SYT1: variants seen among roughly 807,000 people sequenced by gnomAD.
SYT1 encodes the protein synaptotagmin 1.
In SYT1, 8 loss-of-function variants were observed where a neutral mutation model predicts 44.8. That is an observed-to-expected ratio of 0.18 (90% CI 0.10 to 0.32). The LOEUF is 0.32. Ranked by LOEUF, SYT1 falls within the 10% of genes least tolerant of loss-of-function variation. The pLI, the probability that SYT1 is intolerant of heterozygous loss-of-function variation, is 1.00. For missense variants in SYT1, 286 were observed against 509.3 expected (o/e 0.56, Z 4.22); for synonymous variants, 154 against 188.8 (o/e 0.82, Z 1.51).
At chr12:79,117,840 T>C (rs1879387227) in intron 3 of SYT1, among the ~76,000 whole-genome samples, 1 of 151,282 alleles carries the variant, frequency 6.6e-6, no homozygotes, top group East Asian at 2.0e-4. Context: ...ATAAATACTT[T>C]TGTATGAAAT....
intron 3 of SYT1, among the ~76,000 whole-genome samples, chr12:79,111,538 G>C (rs1879011052): frequency 6.6e-6 from 1 of 151,784 alleles, no homozygotes. Context: ...CTATCACGAT[G>C]CCTCCCACAG....
intron 3 of SYT1, among the ~76,000 whole-genome samples, chr12:79,078,513 A>G (rs1876810863): frequency 6.6e-6 from 1 of 152,076 alleles, no homozygotes; most frequent in Non-Finnish European, 1.5e-5. Context: ...TTTTTTTCTA[A>G]TACTAACAAC....
At chr12:79,127,509 G>C (rs1868515502) in intron 3 of SYT1, among the ~76,000 whole-genome samples, 1 of 152,218 alleles carries the variant, frequency 6.6e-6, no homozygotes, top group East Asian at 1.9e-4. Context: ...TGTTTCTAAA[G>C]CTCAGATTCC....
At chr12:79,351,154 C>T (rs961391084) in intron 8 of SYT1, among the ~76,000 whole-genome samples, 42 of 152,130 alleles carry the variant, frequency 2.8e-4, no homozygotes, top group Non-Finnish European at 2.9e-4. Context: ...TTCTCTTAAA[C>T]ACTCATTCTT....
intron 2 of SYT1, among the ~76,000 whole-genome samples, chr12:79,034,881 G>C (rs936933448): frequency 6.6e-6 from 1 of 151,540 alleles, no homozygotes; most frequent in African/African-American, 2.4e-5. Context: ...TTAAAGACAG[G>C]GATAAAAAAT....
At chr12:79,261,620 A>G (rs1877834860) in intron 4 of SYT1, among the ~76,000 whole-genome samples, 2 of 152,208 alleles carry the variant, frequency 1.3e-5, no homozygotes, top group African/African-American at 2.4e-5. Flanking sequence ...TTTAGGTTAA[A>G]AAAATTAAAT....
intron 4 of SYT1, among the ~76,000 whole-genome samples, chr12:79,280,389 A>G (rs910549810): frequency 2.6e-5 from 4 of 152,312 alleles, no homozygotes; most frequent in African/African-American, 9.6e-5. Flanking sequence ...CGATGAGAAC[A>G]TACACTGGGG....
chr12:79,090,181 A>T (rs1402633996), intron 3 of SYT1, among the ~76,000 whole-genome samples: 1 of 152,064 alleles, frequency 6.6e-6, no homozygotes, highest in Non-Finnish European at 1.5e-5. Context: ...ACTTGAAAAC[A>T]CAATTTATTT....
At chr12:78,902,292 A>T (rs1875711715) in intron 1 of SYT1, among the ~76,000 whole-genome samples, 1 of 152,022 alleles carries the variant, frequency 6.6e-6, no homozygotes, top group Non-Finnish European at 1.5e-5. Context: ...ATGCCCACTG[A>T]TTCTTGAAAA....
chr12:79,041,923 C>A (rs1326367688), intron 2 of SYT1, among the ~76,000 whole-genome samples: 10 of 152,102 alleles, frequency 6.6e-5, no homozygotes, highest in Admixed American at 2.6e-4. Flanking sequence ...ATGCTGGATT[C>A]CATTTATTGA....
intron 1 of SYT1, among the ~76,000 whole-genome samples, chr12:78,912,029 T>A (rs552033921): frequency 1.3e-5 from 2 of 152,080 alleles, no homozygotes; most frequent in African/African-American, 4.8e-5. Flanking sequence ...ATTCATGACT[T>A]CCCAGGTGAG....
At chr12:79,056,266 A>T (rs1437203768) in intron 3 of SYT1, among the ~76,000 whole-genome samples, 1 of 152,034 alleles carries the variant, frequency 6.6e-6, no homozygotes, top group African/African-American at 2.4e-5. Flanking sequence ...AGAAAAGGAG[A>T]AAAGTCTGGT....
intron 4 of SYT1, among the ~76,000 whole-genome samples, chr12:79,264,107 T>C (rs2138741083): frequency 6.6e-6 from 1 of 152,264 alleles, no homozygotes; most frequent in Middle Eastern, 3.4e-3. Context: ...TGGGCAGTCA[T>C]ATTATTTTCT....
At chr12:79,178,949 G>GATATAGATATATCT (rs1872095371) in intron 3 of SYT1, among the ~76,000 whole-genome samples, 2 of 51,858 alleles carry the variant, frequency 3.9e-5, no homozygotes, top group Non-Finnish European at 3.6e-5. Flanking sequence ...TATAGATATA[G>GATATAGATATATCT]ATATAGATAT....
intron 1 of SYT1, among the ~76,000 whole-genome samples, chr12:78,936,055 G>T (rs1264165597): frequency 6.6e-6 from 1 of 151,988 alleles, no homozygotes; most frequent in Non-Finnish European, 1.5e-5. Context: ...ATTTTTAAAA[G>T]CTTGGAGAAA....
chr12:78,885,475 G>A (rs972122297), intron 1 of SYT1, among the ~76,000 whole-genome samples: 3 of 152,062 alleles, frequency 2.0e-5, no homozygotes, highest in South Asian at 2.1e-4. Flanking sequence ...TAAAAAACAA[G>A]GAAAGAGAGT....
rs375257715 is a variant in SYT1, at chr12:79,096,693, T to A, written c.-18+49331T>A. Among the ~76,000 whole-genome samples, 9 of 151,918 alleles carry A rather than the reference T, an allele frequency of 5.9e-5. No individual in the cohort carries two copies. The East Asian group carries it at 7.8e-4, about 13-fold the overall frequency. On this transcript the variant is annotated intron_variant, in intron 3 of 10. Coordinates refer to ENST00000261205, the MANE Select transcript of SYT1 (RefSeq NM_005639.3). ...ACCCATTTGGAGGAAAGAAACTAGG[T>A]GTGATTGGAAGGAAGAATCATGAAA... is the stretch of plus-strand genomic sequence containing the variant.
At chr12:79,109,159 C>T (rs1039963735) in intron 3 of SYT1, among the ~76,000 whole-genome samples, 4 of 152,180 alleles carry the variant, frequency 2.6e-5, no homozygotes, top group African/African-American at 9.7e-5. Context: ...CTGCTGCAAA[C>T]AGCACAAACT....
At chr12:78,934,120 ATGTGTGTGTATATATG>A (rs1361153641) in intron 1 of SYT1, among the ~76,000 whole-genome samples, 1 of 151,356 alleles carries the variant, frequency 6.6e-6, no homozygotes, top group Admixed American at 6.6e-5. Context: ...GTATATACAT[ATGTGTGTGTATATATG>A]TGTGTGTGTG....
Sources: gnomAD v4.1 joint callset for allele counts (sites outside exome capture counted in the v4.1 genomes callset) on GRCh38, gnomAD v4.1.1 for gene constraint, MANE v1.5 for transcripts, NCBI Gene and HGNC (gene_info 2026-07-23, HGNC 2026-07-21) for gene names.